The following ZNF385B variants were observed in gnomAD, a reference collection of about 807,000 sequenced individuals.
The protein encoded by ZNF385B is zinc finger protein 385B, also known as zinc finger protein 533.
A neutral mutation model predicts 39.2 loss-of-function variants in ZNF385B; 23 were observed. The observed-to-expected ratio is 0.59, with a 90% CI of 0.42 to 0.83. The LOEUF (loss-of-function observed/expected upper bound fraction) is 0.83. ZNF385B is among the 40% of genes least tolerant of loss of function. The pLI, the probability that ZNF385B is intolerant of heterozygous loss-of-function variation, is 0.00. For synonymous variants in ZNF385B, 205 were observed against 222.6 expected, an observed-to-expected ratio of 0.92 and a Z score of 0.70; for missense variants, 552 against 598.9, an observed-to-expected ratio of 0.92 and a Z score of 0.82.
At chr2:179,523,516 A>G (rs2058658147) in intron 4 of ZNF385B, among the ~76,000 whole-genome samples, 2 of 152,146 alleles carry the variant, frequency 1.3e-5, no homozygotes, top group Admixed American at 1.3e-4. Context: ...GGATGAATCT[A>G]AGATGGGGGC....
chr2:179,520,399 G>A (rs549108141), intron 4 of ZNF385B, among the ~76,000 whole-genome samples: 1 of 152,114 alleles, frequency 6.6e-6, no homozygotes, highest in Non-Finnish European at 1.5e-5. Context: ...TCATACTGTT[G>A]AAGGTCATAA....
At chr2:179,542,042 A>G (rs1049420176) in intron 4 of ZNF385B, among the ~76,000 whole-genome samples, 4 of 152,202 alleles carry the variant, frequency 2.6e-5, no homozygotes, top group African/African-American at 4.8e-5. Context: ...GAGATGTAAA[A>G]CATCACAAAT....
intron 6 of ZNF385B, among the ~76,000 whole-genome samples, chr2:179,475,541 T>C (rs6705829): frequency 0.66 from 100,545 of 151,330 alleles, 34,174 homozygotes; most frequent in East Asian, 0.92. Flanking sequence ...TGAGCCACCA[T>C]GCCTGGCCCA....
At chr2:179,624,499 A>G (rs1427232927) in intron 3 of ZNF385B, among the ~76,000 whole-genome samples, 1 of 152,226 alleles carries the variant, frequency 6.6e-6, no homozygotes, top group African/African-American at 2.4e-5. Context: ...GGATTGTTGT[A>G]GGAAAACTAA....
chr2:179,736,696 G>A (rs549582738), intron 3 of ZNF385B, among the ~76,000 whole-genome samples: 4 of 152,132 alleles, frequency 2.6e-5, no homozygotes, highest in Non-Finnish European at 2.9e-5. Flanking sequence ...AGGGCCAGGC[G>A]TGTAGGCTCA....
intron 5 of ZNF385B, among the ~76,000 whole-genome samples, chr2:179,488,020 C>A (rs2054781894): frequency 6.6e-6 from 1 of 152,170 alleles, no homozygotes; most frequent in Non-Finnish European, 1.5e-5. Context: ...TTCTTAGAAC[C>A]CCATTGTTGC....
chr2:179,580,022 C>T (rs868815344), intron 3 of ZNF385B, among the ~76,000 whole-genome samples: 3 of 152,012 alleles, frequency 2.0e-5, no homozygotes, highest in African/African-American at 4.8e-5. Context: ...AATTTGAAGG[C>T]CTGGAATGGA....
chr2:179,596,486 A>G (rs184555370), intron 3 of ZNF385B, among the ~76,000 whole-genome samples: 15 of 152,306 alleles, frequency 9.8e-5, no homozygotes, highest in African/African-American at 3.4e-4. Flanking sequence ...GATGTTCTCT[A>G]TCAGACTGAG....
intron 5 of ZNF385B, among the ~76,000 whole-genome samples, chr2:179,498,615 A>C (rs1003195934): frequency 2.0e-5 from 3 of 152,048 alleles, no homozygotes; most frequent in Non-Finnish European, 2.9e-5. Context: ...ATTAAGAAGA[A>C]ATGAAAAAGT....
rs536258104 is a variant in ZNF385B, at chr2:179,826,710, T to A, written c.-155+34391A>T. On this transcript the variant is annotated intron_variant, in intron 1 of 9. Transcript: ENST00000410066. ...CTTTGTAAATTATTCAGAAAAAAAATTCTTTAACTTGCCTGGATTTCTCTC... is the reference window on the plus strand; with the variant it reads ...CTTTGTAAATTATTCAGAAAAAAAAATCTTTAACTTGCCTGGATTTCTCTC... 2.9e-3 allele frequency among the ~76,000 whole-genome samples: 442 copies of A among 152,158 alleles called. 2 individuals carry two copies. Among genetic ancestry groups the A allele is most frequent in the African/African-American group, 0.01 (420 of 41,512 alleles).
At chr2:179,612,356 T>C (rs549956729) in intron 3 of ZNF385B, among the ~76,000 whole-genome samples, 1 of 152,208 alleles carries the variant, frequency 6.6e-6, no homozygotes. Context: ...TTTGTATGCA[T>C]CCTTCTTGGA....
chr2:179,682,665 A>T (rs995073907), intron 3 of ZNF385B, among the ~76,000 whole-genome samples: 1 of 152,222 alleles, frequency 6.6e-6, no homozygotes, highest in African/African-American at 2.4e-5. Flanking sequence ...TGAATCCAAG[A>T]AGAAAATAAA....
chr2:179,705,718 A>T (rs1699542346), intron 3 of ZNF385B, among the ~76,000 whole-genome samples: 1 of 152,252 alleles, frequency 6.6e-6, no homozygotes, highest in Non-Finnish European at 1.5e-5. Context: ...CTTTGTCTAT[A>T]ACAGATCAGA....
At chr2:179,637,797 T>C (rs1691894786) in intron 3 of ZNF385B, among the ~76,000 whole-genome samples, 2 of 152,242 alleles carry the variant, frequency 1.3e-5, no homozygotes, top group African/African-American at 4.8e-5. Context: ...CGCTCCATAT[T>C]GCCCTGCAGT....
chr2:179,814,020 TCTAG>T (rs1287324743), intron 1 of ZNF385B, among the ~76,000 whole-genome samples: 1 of 152,242 alleles, frequency 6.6e-6, no homozygotes, highest in East Asian at 1.9e-4. Flanking sequence ...TATCAAATAC[TCTAG>T]CTATTTAAAA....
chr2:179,561,905 A>T (rs976972491), intron 3 of ZNF385B, among the ~76,000 whole-genome samples: 9 of 152,168 alleles, frequency 5.9e-5, no homozygotes, highest in African/African-American at 2.2e-4. Context: ...AAATCATGTG[A>T]CAAGAGTGCA....
intron 4 of ZNF385B, among the ~76,000 whole-genome samples, chr2:179,537,080 G>A (rs1353366418): frequency 4.0e-5 from 6 of 150,644 alleles, no homozygotes; most frequent in African/African-American, 1.5e-4. Flanking sequence ...GGAGGCTGAG[G>A]CGGGAGGATC....
chr2:179,788,127 C>A (rs182949105), intron 1 of ZNF385B, among the ~76,000 whole-genome samples: 52 of 152,220 alleles, frequency 3.4e-4, no homozygotes, highest in African/African-American at 1.3e-3. Context: ...GATTTTCATT[C>A]TTTTCCTCTG....
At chr2:179,634,813 T>C (rs1691581072) in intron 3 of ZNF385B, among the ~76,000 whole-genome samples, 1 of 152,182 alleles carries the variant, frequency 6.6e-6, no homozygotes, top group South Asian at 2.1e-4. Context: ...CAGATGTCCC[T>C]CAATGATAGA....
Sources: allele counts gnomAD v4.1 joint callset (sites outside exome capture counted in the v4.1 genomes callset), GRCh38; gene constraint gnomAD v4.1.1; transcripts MANE v1.5; gene names NCBI Gene and HGNC (gene_info 2026-07-23, HGNC 2026-07-21).